PCDHGA6: variants seen among roughly 807,000 people sequenced by gnomAD.
The protein encoded by PCDHGA6 is protocadherin gamma-A6.
In PCDHGA6, 41 loss-of-function variants were observed where a neutral mutation model predicts 60.6. The observed-to-expected ratio is 0.68, with a 90% CI of 0.53 to 0.88. PCDHGA6 has a LOEUF of 0.88. Among genes scored for constraint, PCDHGA6 ranks in the 40% least tolerant of loss-of-function variants. PCDHGA6 has a pLI of 0.00. For synonymous variants in PCDHGA6, 594 were observed against 524.4 expected, an observed-to-expected ratio of 1.13 and a Z score of -1.81; for missense variants, 1,312 against 1,203.0, an observed-to-expected ratio of 1.09 and a Z score of -1.34.
Position 141,485,183 on chromosome 5 carries a change from A to C in PCDHGA6, c.2425-9624A>C, listed in dbSNP as rs777796801. On this transcript the variant is annotated intron_variant, in intron 1 of 3. Transcript: ENST00000517434. This position sits in a 1 kb window ranked among gnomAD's most constrained non-coding sequence, Gnocchi z 5.7. ...TTAGCGGGCGGCAGCAATGCTCCGC[A>C]AGGTGAGAAGCTGGACAGAAATCTG... 1.9e-6 allele frequency: 3 copies of C among 1,613,248 alleles called. No individual in the cohort carries two copies. The highest frequency in any genetic ancestry group is 3.3e-5 in the Admixed American group (2 of 60,006).
rs1273504244 is a variant in PCDHGA6, at chr5:141,374,630, C to T, written c.547C>T (p.Gln183Ter). The change falls in exon 1 of 4, where the codon CAA (glutamine) becomes TAA (stop). Residue 183 changes from glutamine to a stop codon, truncating the protein, a stop_gained. Transcript: ENST00000517434. LOFTEE classifies it high-confidence loss of function. ...TAATAGTCACTTCTCAGTGGACGTG[C>T]AAAGCGAAGCCCATGGGCCCAAGTA... ...SGNSHFSVDV[Q>*]SEAHGPKYPE... 6.2e-7 allele frequency: 1 copy of T among 1,613,140 alleles called. No individual in the cohort carries two copies. The highest frequency in any genetic ancestry group is 1.1e-5 in the South Asian group (1 of 91,022).
chr5:141,431,460 A>C lies in PCDHGA6; in HGVS notation c.2424+54953A>C, dbSNP rs761879594. On this transcript the variant is annotated intron_variant, in intron 1 of 3. Coordinates refer to ENST00000517434, the MANE Select transcript of PCDHGA6 (RefSeq NM_018919.3). This position sits in a 1 kb window ranked among gnomAD's most constrained non-coding sequence, Gnocchi z 4.8. ...GCGCGCATCCGCGTGATGGTTCTGGATGCGAACGACAACGCACCAGCGTTT... is the reference window on the plus strand; with the variant it reads ...GCGCGCATCCGCGTGATGGTTCTGGCTGCGAACGACAACGCACCAGCGTTT... 8.1e-6 allele frequency: 13 copies of C among 1,613,676 alleles called. No individual in the cohort carries two copies. The highest frequency in any genetic ancestry group is 1.1e-5 in the Non-Finnish European group (13 of 1,179,984).
At position 141,489,651 on chromosome 5, in the gene PCDHGA6, G is replaced by A; in HGVS notation, c.2425-5156G>A. 6.2e-7 allele frequency: 1 copy of A among 1,614,186 alleles called. No individual in the cohort carries two copies. Among genetic ancestry groups the A allele is most frequent in the Non-Finnish European group, 8.5e-7 (1 of 1,180,032 alleles). ...ACTCTCCTAGCTTTGCCACCCCTGA[G>A]CGAGAGATGCGCATCTCAGAATCAG... On this transcript the variant is annotated intron_variant, in intron 1 of 3. Coordinates refer to ENST00000517434, the MANE Select transcript of PCDHGA6 (RefSeq NM_018919.3). The surrounding 1 kb of genome is among the most constrained non-coding windows in gnomAD (Gnocchi z 4.5).
intron 2 of PCDHGA6, among the ~76,000 whole-genome samples, chr5:141,505,172 A>C (rs1336105711): frequency 6.6e-6 from 1 of 152,178 alleles, no homozygotes; most frequent in Non-Finnish European, 1.5e-5. Context: ...AAACAAAAAG[A>C]AAAAAGCATC....
intron 1 of PCDHGA6, chr5:141,404,285 A>T (rs1195722797): frequency 1.9e-6 from 3 of 1,614,026 alleles, no homozygotes; most frequent in East Asian, 4.5e-5. Flanking sequence ...AGTGACTGAC[A>T]TCAATGATAA....
At chr5:141,389,816 G>T (rs1359127304) in intron 1 of PCDHGA6, 7 of 1,613,776 alleles carry the variant, frequency 4.3e-6, no homozygotes, top group Non-Finnish European at 5.9e-6. Context: ...TGGTCGCCGT[G>T]CGTGACGGTG....
chr5:141,436,099 T>C (rs1400528271), intron 1 of PCDHGA6, among the ~76,000 whole-genome samples: 1 of 152,128 alleles, frequency 6.6e-6, no homozygotes, highest in Non-Finnish European at 1.5e-5. Flanking sequence ...TTGAGAGAAA[T>C]AGAGGACAAT....
Position 141,485,261 on chromosome 5 carries a change from C to G in PCDHGA6, c.2425-9546C>G, listed in dbSNP as rs759268725. 1 of 1,614,076 alleles carries G rather than the reference C, an allele frequency of 6.2e-7. No homozygotes were observed. The highest frequency in any genetic ancestry group is 8.5e-7 in the Non-Finnish European group (1 of 1,179,904). On this transcript the variant is annotated intron_variant, in intron 1 of 3. Transcript: ENST00000517434. This position sits in a 1 kb window ranked among gnomAD's most constrained non-coding sequence, Gnocchi z 5.7. The stretch of plus-strand genomic sequence containing the variant: ...TTACCACCTGGGTTACGTTTGTGGG[C>G]AGATCCGCTACCCGGTCCCAGAGGA...
chr5:141,408,298 G>T (rs778209794), intron 1 of PCDHGA6: 1 of 1,613,704 alleles, frequency 6.2e-7, no homozygotes, highest in South Asian at 1.1e-5. Context: ...TGAGTGAGCC[G>T]ATCCGCTACT....
rs764156663 is a variant in PCDHGA6 at position 141,382,871 on chromosome 5, G to A, written c.2424+6364G>A. 2.6e-6 allele frequency: 4 copies of A among 1,520,506 alleles called. No individual in the cohort carries two copies. The South Asian group carries it at 4.0e-5, about 15-fold the overall frequency. 94.2% of individuals were successfully genotyped at this position (1,520,506 alleles called of 1,614,324 possible). On this transcript the variant is annotated intron_variant, in intron 1 of 3. Coordinates refer to ENST00000517434, the MANE Select transcript of PCDHGA6 (RefSeq NM_018919.3). ...GCATTCTGAAGCACTTCCCGAGATC[G>A]GCGCCTAAGCAAGAGAAGCAGGACG... is the stretch of plus-strand genomic sequence containing the variant.
chr5:141,405,295 C>T lies in PCDHGA6; in HGVS notation c.2424+28788C>T, dbSNP rs192426924. On this transcript the variant is annotated intron_variant, in intron 1 of 3. Transcript: ENST00000517434. ...CCAACTATGCAGACACACTCATCAG[C>T]CAGCAGAGCTGTGAGAAAAATGAGC... 26 of 1,614,180 alleles carry T rather than the reference C, an allele frequency of 1.6e-5. No individual in the cohort carries two copies. In the East Asian group the frequency reaches 4.0e-4, roughly 25 times the overall value.
rs776008188 is a variant in PCDHGA6, at chr5:141,376,058, A to T, written c.1975A>T (p.Thr659Ser). The T allele has an allele frequency of 4.3e-6, 7 of 1,613,282 alleles. No homozygotes were observed. In the East Asian group the frequency reaches 1.3e-4, roughly 31 times the overall value. ...CCAGCCCCCTCTCTCCGCCACTGTC[A>T]CGCTCACCGTGGCCGTGGCCGACAG... ...HGQPPLSATVTLTVAVADRIP... is the reference protein window; with the variant it reads ...HGQPPLSATVSLTVAVADRIP... The change falls in exon 1 of 4, where the codon ACG (threonine) becomes TCG (serine). Residue 659 changes from threonine to serine, a missense_variant. Thr to Ser is a moderately conservative substitution (Grantham distance 58). Transcript: ENST00000517434.
chr5:141,389,166 C>G (rs1340986620), intron 1 of PCDHGA6: 1 of 1,613,988 alleles, frequency 6.2e-7, no homozygotes, highest in Non-Finnish European at 8.5e-7. Context: ...TCGGGGCAAG[C>G]CTCCCCTCTC....
intron 1 of PCDHGA6, chr5:141,385,278 A>G (rs776235211): frequency 7.4e-6 from 12 of 1,613,478 alleles, no homozygotes; most frequent in Non-Finnish European, 1.0e-5. Flanking sequence ...CTTTGCTAAC[A>G]TCCGTAGATT....
At position 141,374,078 on chromosome 5, in the gene PCDHGA6, C is replaced by A; in HGVS notation, c.-6C>A. 1 of 1,516,122 alleles carries A rather than the reference C, an allele frequency of 6.6e-7. No individual in the cohort carries two copies. The highest frequency in any genetic ancestry group is 8.8e-7 in the Non-Finnish European group (1 of 1,133,594). 93.9% of individuals were successfully genotyped at this position (1,516,122 alleles called of 1,614,324 possible). On this transcript the variant is annotated 5_prime_UTR_variant, in exon 1 of 4. Transcript: ENST00000517434. ...TAATCCCAGAGAAGTTCCTAATAAGCCAGTAATGGCGCCTCCGCAGAGGCA... is the reference window on the plus strand; with the variant it reads ...TAATCCCAGAGAAGTTCCTAATAAGACAGTAATGGCGCCTCCGCAGAGGCA...
intron 1 of PCDHGA6, chr5:141,421,961 A>G: frequency 6.2e-7 from 1 of 1,612,542 alleles, no homozygotes; most frequent in Non-Finnish European, 8.5e-7. Context: ...ATGTTTACAC[A>G]GTCCGTATAT....
At chr5:141,415,288 T>C in intron 1 of PCDHGA6, 6 of 1,614,202 alleles carry the variant, frequency 3.7e-6, no homozygotes, top group Non-Finnish European at 5.1e-6. Flanking sequence ...GGCCGCGGTC[T>C]CCTGCGTCTT....
At chr5:141,427,986 G>C in intron 1 of PCDHGA6, 1 of 1,598,018 alleles carries the variant, frequency 6.3e-7, no homozygotes, top group East Asian at 2.2e-5. Context: ...GCTGGGGCCC[G>C]ATGGCTCCGC....
chr5:141,414,159 A>G (rs2095715416), intron 1 of PCDHGA6: 1 of 1,602,874 alleles, frequency 6.2e-7, no homozygotes. Context: ...CAGAAGATGG[A>G]GGAGCATATC....
Sources: allele counts gnomAD v4.1 joint callset (sites outside exome capture counted in the v4.1 genomes callset), GRCh38; gene constraint gnomAD v4.1.1; non-coding constraint Gnocchi (gnomAD v3.1); transcripts MANE v1.5; gene names NCBI Gene and HGNC (gene_info 2026-07-23, HGNC 2026-07-21).